The following ORC4 variants were observed in gnomAD, a reference collection of about 807,000 sequenced individuals.
ORC4 encodes origin recognition complex, subunit 4 homolog.
A neutral mutation model predicts 63.9 loss-of-function variants in ORC4; 55 were observed. That is an observed-to-expected ratio of 0.86 (90% CI 0.69 to 1.08). ORC4 has a LOEUF of 1.08. Ranked by LOEUF, ORC4 falls within the 50% of genes least tolerant of loss-of-function variation. The pLI, the probability that ORC4 is intolerant of heterozygous loss-of-function variation, is 0.00. For missense variants in ORC4, 511 were observed against 504.4 expected (o/e 1.01, Z -0.13); for synonymous variants, 150 against 168.5 (o/e 0.89, Z 0.85).
intron 1 of ORC4, among the ~76,000 whole-genome samples, chr2:147,991,324 C>T (rs1691591510): frequency 6.6e-6 from 1 of 152,086 alleles, no homozygotes. Context: ...GCTGGGATTA[C>T]AGGCGTGAGC....
intron 1 of ORC4, among the ~76,000 whole-genome samples, chr2:148,007,654 TTCAAAGAAATAA>T (rs1482633129): frequency 1.3e-5 from 2 of 152,144 alleles, no homozygotes; most frequent in Non-Finnish European, 2.9e-5. Context: ...AGAAAGTGTT[TTCAAAGAAATAA>T]TAGCAGAGTA....
At position 147,973,471 on chromosome 2, in the gene ORC4, T is replaced by G; in HGVS notation, c.111A>C (p.Leu37=). 1 of 1,606,240 alleles carries G rather than the reference T, an allele frequency of 6.2e-7. No individual in the cohort carries two copies. The highest frequency in any genetic ancestry group is 8.5e-7 in the Non-Finnish European group (1 of 1,173,180). ...ACTTGTATTGTACTTGCACTCCAAA[T>G]AGGTTACTATGTGGACTCTGACGAC... ...RFCRQSPHSN[L]FGVQVQYKHL... Residue 37 remains leucine (L), a synonymous_variant, in exon 3 of 14, where the codon CTA becomes CTC. Transcript: ENST00000392857.
intron 10 of ORC4, among the ~76,000 whole-genome samples, chr2:147,942,463 A>G (rs2105268799): frequency 6.6e-6 from 1 of 152,254 alleles, no homozygotes; most frequent in Non-Finnish European, 1.5e-5. Context: ...CTCAAAAAAT[A>G]ACATAATCAA....
Position 147,934,597 on chromosome 2 carries a change from C to G in ORC4, c.*913G>C, listed in dbSNP as rs1389740426. The G allele has an allele frequency of 1.3e-5, 2 of 152,016 alleles. No homozygotes were observed. The highest frequency in any genetic ancestry group is 4.8e-5 in the African/African-American group (2 of 41,396). The allele number at this position is 152,016 out of a possible 1,614,324, so 9.4% of individuals were successfully genotyped here. ...ACATCACAGAGTATACTTACACAGA[C>G]CCTGATGATATGTATATAGCCTGTT... On this transcript the variant is annotated 3_prime_UTR_variant, in exon 14 of 14. Transcript: ENST00000392857.
intron 10 of ORC4, among the ~76,000 whole-genome samples, chr2:147,942,041 G>A (rs1688393918): frequency 6.6e-6 from 1 of 152,080 alleles, no homozygotes; most frequent in Non-Finnish European, 1.5e-5. Flanking sequence ...TTATCTACTA[G>A]TAGTGTGACC....
chr2:147,938,609 T>A (rs928768434), intron 11 of ORC4: 1 of 506,358 alleles, frequency 2.0e-6, no homozygotes, highest in Non-Finnish European at 3.5e-6. Context: ...AATAAGGATA[T>A]TTTTAAACTT....
At chr2:148,020,820 A>G (rs918560809), upstream of ORC4, 1 of 132,970 alleles carries the variant, frequency 7.5e-6, no homozygotes, top group African/African-American at 2.9e-5. Flanking sequence ...GTCTCCGTCC[A>G]CGCCCACTTC....
chr2:147,956,601 A>G (rs1307026890), intron 6 of ORC4, among the ~76,000 whole-genome samples: 1 of 152,100 alleles, frequency 6.6e-6, no homozygotes, highest in Non-Finnish European at 1.5e-5. Flanking sequence ...AGCAGAAGCC[A>G]AATTTATATA....
intron 10 of ORC4, among the ~76,000 whole-genome samples, chr2:147,942,598 C>A (rs1688427447): frequency 6.6e-6 from 1 of 152,042 alleles, no homozygotes; most frequent in Admixed American, 6.6e-5. Context: ...ATTACCTCAA[C>A]CTGATAATGA....
At chr2:148,011,391 G>C (rs149826944) in intron 1 of ORC4, among the ~76,000 whole-genome samples, 1 of 152,260 alleles carries the variant, frequency 6.6e-6, no homozygotes, top group East Asian at 1.9e-4. Context: ...CATTTCAATA[G>C]ATGCCAAAAA....
rs1294807848 is a variant in ORC4 at position 147,935,713 on chromosome 2, A to G, written c.1123-15T>C. On this transcript the variant is annotated splice_polypyrimidine_tract_variant and intron_variant, in intron 13 of 13. Coordinates refer to ENST00000392857, the MANE Select transcript of ORC4 (RefSeq NM_181741.4). ...TGTTCAAAAGCCTGAAAGATGAAAG[A>G]AATAGTTTAGGTTGAATAGGAGAGG... 2 of 1,607,320 alleles carry G rather than the reference A, an allele frequency of 1.2e-6. No homozygotes were observed. The highest frequency in any genetic ancestry group is 2.7e-5 in the African/African-American group (2 of 74,762).
chr2:147,941,501 A>C (rs558571472), intron 10 of ORC4, among the ~76,000 whole-genome samples: 2 of 152,170 alleles, frequency 1.3e-5, no homozygotes, highest in African/African-American at 4.8e-5. Context: ...CAAGAAAAAA[A>C]AAGTTTAATT....
chr2:147,986,790 TACACACACAC>T, intron 1 of ORC4, among the ~76,000 whole-genome samples: 2 of 148,650 alleles, frequency 1.3e-5, no homozygotes, highest in South Asian at 4.3e-4. Context: ...CACACACACA[TACACACACAC>T]ACACACACAC....
intron 7 of ORC4, among the ~76,000 whole-genome samples, chr2:147,954,849 C>G (rs1689153972): frequency 6.6e-6 from 1 of 151,836 alleles, no homozygotes; most frequent in Admixed American, 6.6e-5. Flanking sequence ...CAAATTAAAC[C>G]TTTAGGGTAG....
At chr2:147,999,394 T>C (rs1692170000) in intron 1 of ORC4, among the ~76,000 whole-genome samples, 1 of 152,216 alleles carries the variant, frequency 6.6e-6, no homozygotes, top group African/African-American at 2.4e-5. Context: ...GTTCTCATAC[T>C]ACTGGCAATC....
intron 4 of ORC4, among the ~76,000 whole-genome samples, chr2:147,965,820 C>T (rs1306496146): frequency 2.0e-5 from 3 of 152,116 alleles, no homozygotes; most frequent in Non-Finnish European, 2.9e-5. Context: ...CATGTTAGGA[C>T]ACAACAGAAG....
In ORC4 at chr2:147,948,023, C is replaced by T. The variant is rs764604327; in HGVS notation, c.762+28G>A. The stretch of plus-strand genomic sequence containing the variant: ...TTGCTTTAAATCATATAGCAAGGAA[C>T]ATTTAGCTTTATTGCCTTTTAAGAT... On this transcript the variant is annotated intron_variant, in intron 9 of 13. Coordinates refer to ENST00000392857, the MANE Select transcript of ORC4 (RefSeq NM_181741.4). The T allele has an allele frequency of 1.9e-6, 3 of 1,576,794 alleles. No individual in the cohort carries two copies. In the Admixed American group the frequency reaches 5.0e-5, roughly 26 times the overall value.
At chr2:147,970,198 G>A (rs1388956564) in intron 4 of ORC4, among the ~76,000 whole-genome samples, 1 of 151,924 alleles carries the variant, frequency 6.6e-6, no homozygotes, top group Non-Finnish European at 1.5e-5. Flanking sequence ...ACTGACAAAA[G>A]TCTTAAATAA....
At chr2:147,952,253 C>T in intron 8 of ORC4, 120 bp downstream of exon 8, 1 of 685,022 alleles carries the variant, frequency 1.5e-6, no homozygotes, top group Non-Finnish European at 2.5e-6. Flanking sequence ...ATACACCAGG[C>T]ACTGCTGAAA....
Sources: gnomAD v4.1 joint callset for allele counts (sites outside exome capture counted in the v4.1 genomes callset) on GRCh38, gnomAD v4.1.1 for gene constraint, MANE v1.5 for transcripts, NCBI Gene and HGNC (gene_info 2026-07-23, HGNC 2026-07-21) for gene names.